Variants in SLC25A28 observed in about 807,000 individuals in gnomAD.
SLC25A28 encodes solute carrier family 25 member 28.
Under a neutral mutation model 31.9 loss-of-function variants are expected in SLC25A28, and 10 were observed. The ratio of observed to expected loss-of-function variants is 0.31; its 90% confidence interval spans 0.19 to 0.53. The LOEUF (loss-of-function observed/expected upper bound fraction) is 0.53, where lower values mean the gene tolerates loss of function less well. Ranked by LOEUF, SLC25A28 falls within the 20% of genes least tolerant of loss-of-function variation. The pLI, the probability that SLC25A28 is intolerant of heterozygous loss-of-function variation, is 0.95. For missense variants in SLC25A28, 256 were observed against 490.3 expected, an observed-to-expected ratio of 0.52 and a Z score of 4.51; for synonymous variants, 208 against 203.6, an observed-to-expected ratio of 1.02 and a Z score of -0.19.
At chr10:99,622,639 C>T, upstream of SLC25A28, 1 of 985,368 alleles carries the variant, frequency 1.0e-6, no homozygotes, top group Non-Finnish European at 1.2e-6. Context: ...ACCACATTGG[C>T]ACTTTTTACT....
At chr10:99,644,191 G>A in the SLC25A28 span, among the ~76,000 whole-genome samples, 1 of 152,178 alleles carries the variant, frequency 6.6e-6, no homozygotes, top group Non-Finnish European at 1.5e-5. Context: ...TTATTATTGT[G>A]TGGGAGTCTA....
upstream of SLC25A28, chr10:99,621,122 C>G (rs2034784509): frequency 1.3e-5 from 5 of 397,396 alleles, no homozygotes; most frequent in Admixed American, 6.4e-5. Context: ...TTGCGACATG[C>G]GGGCTGGGAA....
At chr10:99,645,410 T>C in the SLC25A28 span, among the ~76,000 whole-genome samples, 1 of 152,216 alleles carries the variant, frequency 6.6e-6, no homozygotes. Flanking sequence ...CATCAGGTCA[T>C]TTAAGGTCTT....
chr10:99,643,445 A>T, the SLC25A28 span, among the ~76,000 whole-genome samples: 5 of 151,474 alleles, frequency 3.3e-5, no homozygotes, highest in South Asian at 2.1e-4. Flanking sequence ...CGTCTATTTG[A>T]TTCTTCTCTC....
rs1229063887 is a variant in SLC25A28, at chr10:99,617,436, T to C, written c.291+2609A>G. 15 of 985,464 alleles carry C rather than the reference T, an allele frequency of 1.5e-5. No individual in the cohort carries two copies. The East Asian group carries it at 1.6e-3, about 104-fold the overall frequency. 61.0% of individuals were successfully genotyped at this position (985,464 alleles called of 1,614,324 possible). Reference sequence around the variant, plus strand: ...AATGTCAGCTTTCATTTGCAAACATTGTGGTTGCCCTTTAGGCTCCAACAA... The same window carrying C: ...AATGTCAGCTTTCATTTGCAAACATCGTGGTTGCCCTTTAGGCTCCAACAA... On this transcript the variant is annotated intron_variant, in intron 1 of 3. Coordinates refer to ENST00000370495, the MANE Select transcript of SLC25A28 (RefSeq NM_031212.4).
the SLC25A28 span, among the ~76,000 whole-genome samples, chr10:99,627,151 G>C: frequency 3.3e-5 from 5 of 152,122 alleles, no homozygotes; most frequent in South Asian, 1.0e-3. Context: ...TGAGGCATGA[G>C]AATGGCTTGA....
the SLC25A28 span, among the ~76,000 whole-genome samples, chr10:99,636,662 C>A: frequency 6.6e-6 from 1 of 152,076 alleles, no homozygotes; most frequent in Non-Finnish European, 1.5e-5. Context: ...ACTATGAACA[C>A]CTTTATGCAC....
At chr10:99,642,553 C>T in the SLC25A28 span, among the ~76,000 whole-genome samples, 1 of 152,034 alleles carries the variant, frequency 6.6e-6, no homozygotes, top group Non-Finnish European at 1.5e-5. Context: ...ATTGAATACC[C>T]TTTATTTTTC....
At chr10:99,616,302 C>T (rs2034652983) in intron 1 of SLC25A28, 1 of 814,814 alleles carries the variant, frequency 1.2e-6, no homozygotes, top group Non-Finnish European at 1.5e-6. Context: ...CACTTAACCT[C>T]TTTAAGCTTC....
At chr10:99,615,444 G>A (rs1565020906) in intron 1 of SLC25A28, 1 of 983,422 alleles carries the variant, frequency 1.0e-6, no homozygotes, top group Admixed American at 6.2e-5. Flanking sequence ...TGGGAGAAAA[G>A]AAACTAACCA....
the SLC25A28 span, among the ~76,000 whole-genome samples, chr10:99,632,112 GGT>G: frequency 6.6e-6 from 1 of 151,188 alleles, no homozygotes; most frequent in Non-Finnish European, 1.5e-5. Context: ...TAGCCAGGAT[GGT>G]CTCGATCTCC....
At chr10:99,630,800 A>T in the SLC25A28 span, among the ~76,000 whole-genome samples, 1 of 152,294 alleles carries the variant, frequency 6.6e-6, no homozygotes, top group African/African-American at 2.4e-5. Flanking sequence ...AAGATTCATG[A>T]ATGTAAAATT....
rs1433247314 is a variant in SLC25A28, at chr10:99,611,982, A to C, written c.577+561T>G. Among the ~76,000 whole-genome samples, 6 of 152,244 alleles carry C rather than the reference A, an allele frequency of 3.9e-5. No individual in the cohort carries two copies. The highest frequency in any genetic ancestry group is 5.9e-5 in the Non-Finnish European group (4 of 68,044). On this transcript the variant is annotated intron_variant, in intron 3 of 3. Coordinates refer to ENST00000370495, the MANE Select transcript of SLC25A28 (RefSeq NM_031212.4). This position sits in a 1 kb window ranked among gnomAD's most constrained non-coding sequence, Gnocchi z 5.5. ...CCACCCCATGGCCTTGCCCAGACAGAAAATGAACGTGGCAACAATGCTATC... is the reference window on the plus strand; with the variant it reads ...CCACCCCATGGCCTTGCCCAGACAGCAAATGAACGTGGCAACAATGCTATC...
chr10:99,611,486 T>C lies in SLC25A28; in HGVS notation c.578-120A>G. ...AATGGAATAGAGAGAGAAAAAAGTA[T>C]GAGTGAGCTGCTGGCTAACCTGAGA... On this transcript the variant is annotated intron_variant, in intron 3 of 3. Coordinates refer to ENST00000370495, the MANE Select transcript of SLC25A28 (RefSeq NM_031212.4). This position sits in a 1 kb window ranked among gnomAD's most constrained non-coding sequence, Gnocchi z 5.5. 1 of 1,261,850 alleles carries C rather than the reference T, an allele frequency of 7.9e-7. No individual in the cohort carries two copies. Among genetic ancestry groups the C allele is most frequent in the Non-Finnish European group, 1.1e-6 (1 of 914,262 alleles). The allele number at this position is 1,261,850 out of a possible 1,614,324, so 78.2% of individuals were successfully genotyped here.
intron 3 of SLC25A28, among the ~76,000 whole-genome samples, chr10:99,612,034 G>C (rs758645117): frequency 6.6e-6 from 1 of 152,184 alleles, no homozygotes; most frequent in Non-Finnish European, 1.5e-5. Context: ...TCCTCACATG[G>C]AGAATGTTTT....
At chr10:99,636,537 C>G in the SLC25A28 span, among the ~76,000 whole-genome samples, 1 of 152,118 alleles carries the variant, frequency 6.6e-6, no homozygotes, top group Admixed American at 6.5e-5. Flanking sequence ...AACTGACATT[C>G]TAAGGTCACA....
At chr10:99,619,431 T>C (rs2034732978) in intron 1 of SLC25A28, 2 of 985,254 alleles carry the variant, frequency 2.0e-6, no homozygotes, top group Admixed American at 1.2e-4. Flanking sequence ...CATGCTTGCT[T>C]CACAGAGAAA....
At chr10:99,653,874 A>T in the SLC25A28 span, 1 of 152,236 alleles carries the variant, frequency 6.6e-6, no homozygotes, top group East Asian at 1.9e-4. Flanking sequence ...GCCCAGTGGC[A>T]TCAGGTCCAG....
intron 1 of SLC25A28, among the ~76,000 whole-genome samples, chr10:99,614,979 G>A (rs1024992677): frequency 6.6e-6 from 1 of 152,176 alleles, no homozygotes; most frequent in African/African-American, 2.4e-5. Flanking sequence ...AATCACTGGT[G>A]AGCCAATGGA....
Sources: allele counts gnomAD v4.1 joint callset (sites outside exome capture counted in the v4.1 genomes callset), GRCh38; gene constraint gnomAD v4.1.1; non-coding constraint Gnocchi (gnomAD v3.1); transcripts MANE v1.5; gene names NCBI Gene and HGNC (gene_info 2026-07-23, HGNC 2026-07-21).